The following GCLM variants were observed in gnomAD, a reference collection of about 807,000 sequenced individuals.
The protein encoded by GCLM is glutamate-cysteine ligase modifier subunit, also known as glutamate--cysteine ligase regulatory subunit.
Under a neutral mutation model 36.0 loss-of-function variants are expected in GCLM, and 15 were observed. The ratio of observed to expected loss-of-function variants is 0.42; its 90% CI spans 0.28 to 0.64. The LOEUF (loss-of-function observed/expected upper bound fraction) is 0.64. Ranked by LOEUF, GCLM falls within the 30% of genes least tolerant of loss-of-function variation. GCLM has a pLI of 0.25. For missense variants in GCLM, 242 were observed against 325.5 expected, an observed-to-expected ratio of 0.74 and a Z score of 1.97; for synonymous variants, 129 against 122.8, an observed-to-expected ratio of 1.05 and a Z score of -0.34.
intron 1 of GCLM, among the ~76,000 whole-genome samples, chr1:93,907,287 A>T (rs1657179558): frequency 6.6e-6 from 1 of 152,198 alleles, no homozygotes; most frequent in Non-Finnish European, 1.5e-5. Context: ...TCCTACTGTT[A>T]TGAAGCACCC....
chr1:93,889,425 T>A (rs1656448090), intron 6 of GCLM, among the ~76,000 whole-genome samples: 1 of 152,082 alleles, frequency 6.6e-6, no homozygotes, highest in African/African-American at 2.4e-5. Context: ...TGCAGTTTTT[T>A]AAAGATCTCC....
Position 93,887,585 on chromosome 1 carries a change from C to G in GCLM, c.*1405G>C, listed in dbSNP as rs1460853552. On this transcript the variant is annotated 3_prime_UTR_variant, in exon 7 of 7. Coordinates refer to ENST00000370238, the MANE Select transcript of GCLM (RefSeq NM_002061.4). ...TCCCGGGTTCAAGCGATTCTCCTGC[C>G]TCAGCCTCCCAAGTAGCTGAGATTA... is the stretch of plus-strand genomic sequence containing the variant. The G allele has an allele frequency of 1.3e-5, 2 of 152,140 alleles. No homozygotes were observed. Among genetic ancestry groups the G allele is most frequent in the Non-Finnish European group, 2.9e-5 (2 of 68,222 alleles). The allele number at this position is 152,140 out of a possible 1,614,324, so 9.4% of individuals were successfully genotyped here. A position where few individuals can be genotyped will look rare whatever the true frequency, so the allele number is the denominator to read the frequency against.
At chr1:93,908,458 A>G (rs949228589) in intron 1 of GCLM, among the ~76,000 whole-genome samples, 2 of 152,238 alleles carry the variant, frequency 1.3e-5, no homozygotes, top group Non-Finnish European at 2.9e-5. Context: ...GTACTGATAA[A>G]GCATACATAG....
At position 93,909,173 on chromosome 1, in the gene GCLM, CGCCCAGG is replaced by C; in HGVS notation, c.-17_-11del. On this transcript the variant is annotated 5_prime_UTR_variant, in exon 1 of 7. Transcript: ENST00000370238. ...GGCTGTCGGTGCCCATGGCAGCGGC[CGCCCAGG>C]GGCCGCGCAGCGAAGGGGCTGCGGG... is the stretch of plus-strand genomic sequence containing the variant. The C allele has an allele frequency of 7.9e-7, 1 of 1,268,228 alleles. No homozygotes were observed. Among genetic ancestry groups the C allele is most frequent in the Non-Finnish European group, 9.9e-7 (1 of 1,008,632 alleles). 78.6% of individuals were successfully genotyped at this position (1,268,228 alleles called of 1,614,324 possible).
At chr1:93,900,762 A>G (rs1235466287) in intron 3 of GCLM, among the ~76,000 whole-genome samples, 1 of 152,240 alleles carries the variant, frequency 6.6e-6, no homozygotes, top group African/African-American at 2.4e-5. Context: ...ATCCATCTCA[A>G]TAATAATAAA....
chr1:93,905,556 G>A (rs953205480), intron 1 of GCLM, among the ~76,000 whole-genome samples: 4 of 152,070 alleles, frequency 2.6e-5, no homozygotes, highest in South Asian at 2.1e-4. Context: ...AAGTCATTTC[G>A]TAACATTTAG....
rs1331583881 is a variant in GCLM at position 93,909,264 on chromosome 1, C to T, written c.-101G>A. The T allele has an allele frequency of 9.3e-7, 1 of 1,075,734 alleles. No individual in the cohort carries two copies. Among genetic ancestry groups the T allele is most frequent in the Non-Finnish European group, 1.1e-6 (1 of 890,020 alleles). 66.6% of individuals were successfully genotyped at this position (1,075,734 alleles called of 1,614,324 possible). ...GCGGTGCCCGAGGCCCGAGAGAGAC[C>T]CGAGAGGGAGCGCGAGGCTGCCGGC... On this transcript the variant is annotated 5_prime_UTR_variant, in exon 1 of 7. Transcript: ENST00000370238.
chr1:93,887,405 AG>A lies in GCLM; in HGVS notation c.*1584del, dbSNP rs1656355675. On this transcript the variant is annotated 3_prime_UTR_variant, in exon 7 of 7. Coordinates refer to ENST00000370238, the MANE Select transcript of GCLM (RefSeq NM_002061.4). ...TATGGAACCATAGTTCTTTTTCCCT[AG>A]GTTGAGAAAACTTGAGCAAAATTAG... The A allele has an allele frequency of 6.6e-6, 1 of 152,034 alleles. No homozygotes were observed. 9.4% of individuals were successfully genotyped at this position (152,034 alleles called of 1,614,324 possible).
intron 2 of GCLM, among the ~76,000 whole-genome samples, chr1:93,902,225 T>C (rs1436845753): frequency 6.6e-6 from 1 of 152,114 alleles, no homozygotes; most frequent in East Asian, 1.9e-4. Flanking sequence ...TCGCCCAGGC[T>C]GGAGTGCAGT....
intron 5 of GCLM, 44 bp downstream of exon 5, chr1:93,896,574 G>C (rs1380882963): frequency 1.3e-6 from 2 of 1,486,624 alleles, no homozygotes; most frequent in Non-Finnish European, 1.9e-6. Context: ...AGACTGAAAA[G>C]GGCAAGTTCT....
At chr1:93,895,793 G>A (rs1230644644) in intron 5 of GCLM, among the ~76,000 whole-genome samples, 3 of 152,100 alleles carry the variant, frequency 2.0e-5, no homozygotes, top group Admixed American at 1.3e-4. Context: ...TTAGACCAGA[G>A]AGTGGGAATA....
At chr1:93,899,877 T>C (rs1305707488) in intron 3 of GCLM, among the ~76,000 whole-genome samples, 1 of 152,152 alleles carries the variant, frequency 6.6e-6, no homozygotes, top group Non-Finnish European at 1.5e-5. Context: ...ATATTTACTT[T>C]ATGTAAACTC....
In GCLM at chr1:93,888,742, AGT is replaced by A. The variant is rs1459612793; in HGVS notation, c.*246_*247del. ...AAAAATAAAGGAAAAATATATTGCA[AGT>A]ATTTTCTTTATAGACAATTTCAATT... On this transcript the variant is annotated 3_prime_UTR_variant, in exon 7 of 7. Transcript: ENST00000370238. 7 of 292,586 alleles carry A rather than the reference AGT, an allele frequency of 2.4e-5. No individual in the cohort carries two copies. The highest frequency in any genetic ancestry group is 3.7e-5 in the Non-Finnish European group (6 of 160,714). The allele number at this position is 292,586 out of a possible 1,614,324, so 18.1% of individuals were successfully genotyped here.
At chr1:93,899,769 A>G (rs1473578815) in intron 3 of GCLM, among the ~76,000 whole-genome samples, 2 of 152,188 alleles carry the variant, frequency 1.3e-5, no homozygotes, top group African/African-American at 4.8e-5. Flanking sequence ...CCAAGACCAC[A>G]TTAATTGTCA....
intron 3 of GCLM, among the ~76,000 whole-genome samples, chr1:93,900,997 G>A (rs1656928493): frequency 6.6e-6 from 1 of 152,126 alleles, no homozygotes; most frequent in Admixed American, 6.6e-5. Flanking sequence ...TGCACACCCC[G>A]AAACTTCAAA....
chr1:93,901,701 A>G (rs1054412266), intron 2 of GCLM, 32 bp from the exon 3 acceptor site: 19 of 1,071,742 alleles, frequency 1.8e-5, no homozygotes, highest in Non-Finnish European at 2.7e-5. Context: ...AAACAAATAT[A>G]AAATTTAATG....
chr1:93,907,187 T>C (rs1657174758), intron 1 of GCLM, among the ~76,000 whole-genome samples: 1 of 152,146 alleles, frequency 6.6e-6, no homozygotes, highest in South Asian at 2.1e-4. Context: ...TGCCTCCCCT[T>C]TTGCTCTTAC....
Position 93,887,819 on chromosome 1 carries a change from C to A in GCLM, c.*1171G>T, listed in dbSNP as rs1220675162. On this transcript the variant is annotated 3_prime_UTR_variant, in exon 7 of 7. Transcript: ENST00000370238. ...TTTCAAACTATTCAGGTTACAGACACAAATTTATAGAATTAAGGAGATTTA... is the reference window on the plus strand; with the variant it reads ...TTTCAAACTATTCAGGTTACAGACAAAAATTTATAGAATTAAGGAGATTTA... The A allele has an allele frequency of 6.6e-6, 1 of 152,080 alleles. No individual in the cohort carries two copies. 9.4% of individuals were successfully genotyped at this position (152,080 alleles called of 1,614,324 possible). A position where few individuals can be genotyped will look rare whatever the true frequency, so the allele number is the denominator to read the frequency against.
At position 93,898,303 on chromosome 1, in the gene GCLM, G is replaced by GAAAAAAAAA. The variant is rs58007552; in HGVS notation, c.278-414_278-406dup. 3.8e-3 allele frequency among the ~76,000 whole-genome samples: 62 copies of GAAAAAAAAA among 16,428 alleles called. 16 individuals are homozygous for GAAAAAAAAA. The highest frequency in any genetic ancestry group is 8.9e-3 in the African/African-American group (46 of 5,196). 10.8% of individuals were successfully genotyped at this position (16,428 alleles called of 152,430 possible). A position where few individuals can be genotyped will look rare whatever the true frequency, so the allele number is the denominator to read the frequency against. The stretch of plus-strand genomic sequence containing the variant: ...TTGAAAATGTAATGAGAAGAAAACT[G>GAAAAAAAAA]AAAAAAAAAAAAAAAAAAAAAAAAA... On this transcript the variant is annotated intron_variant, in intron 3 of 6. Coordinates refer to ENST00000370238, the MANE Select transcript of GCLM (RefSeq NM_002061.4).
Sources: gnomAD v4.1 joint callset for allele counts (sites outside exome capture counted in the v4.1 genomes callset) on GRCh38, gnomAD v4.1.1 for gene constraint, MANE v1.5 for transcripts, NCBI Gene and HGNC (gene_info 2026-07-23, HGNC 2026-07-21) for gene names.